The following CSMD2 variants were observed in gnomAD, a reference collection of about 807,000 sequenced individuals.
CSMD2 encodes the protein CUB and sushi domain-containing protein 2.
A neutral mutation model predicts 398.5 loss-of-function variants in CSMD2; 130 were observed. That is an observed-to-expected ratio of 0.33 (90% CI 0.28 to 0.38). The LOEUF is 0.38. Ranked by LOEUF, CSMD2 falls within the 10% of genes least tolerant of loss-of-function variation. The probability of loss-of-function intolerance (pLI) is 1.00; values close to 1 mark genes in which losing one functional copy is unlikely to be tolerated. For synonymous variants in CSMD2, 1,828 were observed against 1,908.5 expected (o/e 0.96, Z 1.10); for missense variants, 3,829 against 4,764.9 (o/e 0.80, Z 5.78).
At chr1:33,703,393 T>C (rs1008827484) in intron 22 of CSMD2, among the ~76,000 whole-genome samples, 1 of 152,234 alleles carries the variant, frequency 6.6e-6, no homozygotes, top group African/African-American at 2.4e-5. Context: ...TTCTTATTCC[T>C]GGGTATTTTT....
intron 5 of CSMD2, among the ~76,000 whole-genome samples, chr1:33,911,301 T>C (rs1267249922): frequency 6.6e-6 from 1 of 152,246 alleles, no homozygotes; most frequent in African/African-American, 2.4e-5. Flanking sequence ...TGGATAGTTA[T>C]TATTAACAAA....
At chr1:33,932,269 T>G (rs1414087942) in intron 4 of CSMD2, among the ~76,000 whole-genome samples, 1 of 151,962 alleles carries the variant, frequency 6.6e-6, no homozygotes, top group Non-Finnish European at 1.5e-5. Context: ...GGGTTGGAGG[T>G]GGGGATTGGA....
intron 1 of CSMD2, among the ~76,000 whole-genome samples, chr1:34,117,962 C>CCCAAAGTGGCT (rs1432348384): frequency 3.2e-4 from 49 of 152,250 alleles, no homozygotes; most frequent in African/African-American, 1.1e-3. Flanking sequence ...GCCTGAAATT[C>CCCAAAGTGGCT]CAGCACTTTG....
chr1:33,538,364 GCCATGTTA>G (rs1277687481), intron 60 of CSMD2, among the ~76,000 whole-genome samples: 2 of 152,122 alleles, frequency 1.3e-5, no homozygotes, highest in African/African-American at 4.8e-5. Context: ...TTTCATTCAG[GCCATGTTA>G]ACATCAGGCA....
At chr1:33,966,601 C>A (rs1296742873) in intron 3 of CSMD2, among the ~76,000 whole-genome samples, 2 of 152,084 alleles carry the variant, frequency 1.3e-5, no homozygotes, top group Admixed American at 6.6e-5. Context: ...GGTGATGAAA[C>A]TGAAAAGTAA....
intron 3 of CSMD2, among the ~76,000 whole-genome samples, chr1:33,970,490 G>A (rs114213747): frequency 0.012 from 1,791 of 152,288 alleles, 31 homozygotes; most frequent in African/African-American, 0.041. Context: ...CTGAGCTCAG[G>A]CCTGGGCACC....
intron 13 of CSMD2, among the ~76,000 whole-genome samples, chr1:33,770,420 A>G (rs1651105703): frequency 6.6e-6 from 1 of 152,250 alleles, no homozygotes; most frequent in Non-Finnish European, 1.5e-5. Context: ...CAGGACCTAT[A>G]AAAGCATCAG....
intron 13 of CSMD2, among the ~76,000 whole-genome samples, chr1:33,766,553 T>C (rs1157393925): frequency 1.3e-5 from 2 of 152,248 alleles, no homozygotes; most frequent in East Asian, 3.8e-4. Flanking sequence ...ATGGTGTCTA[T>C]CTCCACATGA....
intron 4 of CSMD2, among the ~76,000 whole-genome samples, chr1:33,929,744 A>C (rs1644252564): frequency 1.4e-5 from 2 of 145,470 alleles, no homozygotes; most frequent in Admixed American, 6.9e-5. Flanking sequence ...CCCACCCCTC[A>C]CTCTACTTTT....
intron 2 of CSMD2, among the ~76,000 whole-genome samples, chr1:34,053,401 G>C (rs1310239577): frequency 4.6e-5 from 7 of 152,148 alleles, no homozygotes; most frequent in African/African-American, 1.7e-4. Flanking sequence ...TGGGTGACTG[G>C]CTCTTCTTTA....
chr1:33,971,687 G>C (rs1645775277), intron 3 of CSMD2, among the ~76,000 whole-genome samples: 1 of 152,182 alleles, frequency 6.6e-6, no homozygotes, highest in Non-Finnish European at 1.5e-5. Context: ...GGGTCATGTG[G>C]GATTGGTTCA....
At chr1:33,960,988 C>T (rs1645339260) in intron 3 of CSMD2, among the ~76,000 whole-genome samples, 1 of 152,248 alleles carries the variant, frequency 6.6e-6, no homozygotes, top group Non-Finnish European at 1.5e-5. Flanking sequence ...GCCACAATTT[C>T]TGACTCCATC....
chr1:34,030,511 CCTAGAAAAAGAT>C (rs1650277245), intron 3 of CSMD2, among the ~76,000 whole-genome samples: 1 of 152,126 alleles, frequency 6.6e-6, no homozygotes, highest in Admixed American at 6.6e-5. Context: ...GTATATTCTC[CCTAGAAAAAGAT>C]ATACCCACCC....
chr1:33,772,444 C>T, intron 13 of CSMD2, 125 bp downstream of exon 13: 2 of 796,910 alleles, frequency 2.5e-6, no homozygotes, highest in Non-Finnish European at 2.0e-6. Flanking sequence ...TAGAATAAAC[C>T]AACCAGAGTG....
intron 3 of CSMD2, among the ~76,000 whole-genome samples, chr1:34,015,745 T>G (rs978025405): frequency 1.3e-5 from 2 of 152,020 alleles, no homozygotes; most frequent in African/African-American, 4.8e-5. Context: ...ATGGAATGAG[T>G]GGATAAGGAG....
At chr1:33,855,159 T>C (rs1407245014) in intron 5 of CSMD2, among the ~76,000 whole-genome samples, 1 of 152,214 alleles carries the variant, frequency 6.6e-6, no homozygotes, top group Non-Finnish European at 1.5e-5. Flanking sequence ...CTCCGTCCTT[T>C]ACTGTCTCCA....
At chr1:33,709,479 T>C (rs1571301249) in intron 21 of CSMD2, 3 of 539,982 alleles carry the variant, frequency 5.6e-6, no homozygotes, top group East Asian at 2.9e-5. Flanking sequence ...TTTGTTTCTG[T>C]CTCTTGTGCT....
chr1:33,627,232 G>A (rs551271485), intron 32 of CSMD2, among the ~76,000 whole-genome samples: 1 of 152,212 alleles, frequency 6.6e-6, no homozygotes, highest in South Asian at 2.1e-4. Context: ...ACAAACTGGG[G>A]GGAACCTGCA....
chr1:33,532,975 C>G, intron 64 of CSMD2, 75 bp downstream of exon 64: 1 of 1,352,936 alleles, frequency 7.4e-7, no homozygotes, highest in Admixed American at 2.3e-5. Context: ...TTCTCTTTTG[C>G]CCTCTTTCAG....
Sources: gnomAD v4.1 joint callset for allele counts (sites outside exome capture counted in the v4.1 genomes callset) on GRCh38, gnomAD v4.1.1 for gene constraint, MANE v1.5 for transcripts, NCBI Gene and HGNC (gene_info 2026-07-23, HGNC 2026-07-21) for gene names.